The following TEP1 variants were observed in gnomAD, a reference collection of about 807,000 sequenced individuals.
TEP1 encodes telomerase associated protein 1.
In TEP1, 241 loss-of-function variants were observed where a neutral mutation model predicts 306.3. The observed-to-expected ratio is 0.79, with a 90% CI of 0.71 to 0.88. The LOEUF (loss-of-function observed/expected upper bound fraction) is 0.88. Among genes scored for constraint, TEP1 ranks in the 40% least tolerant of loss-of-function variants. TEP1 has a pLI of 0.00. For synonymous variants in TEP1, 1,289 were observed against 1,305.5 expected (o/e 0.99, Z 0.27); for missense variants, 3,051 against 3,276.1 (o/e 0.93, Z 1.68).
Position 20,367,876 on chromosome 14 carries a change from T to C in TEP1, c.*561A>G. 1 of 153,234 alleles carries C rather than the reference T, an allele frequency of 6.5e-6. No homozygotes were observed. The highest frequency in any genetic ancestry group is 1.5e-5 in the Non-Finnish European group (1 of 68,782). 9.5% of individuals were successfully genotyped at this position (153,234 alleles called of 1,614,324 possible). Reference sequence around the variant, plus strand: ...TGCCCACCTCGGCCTCCCAAAGTGCTGGGATTACAAGCGTGAGCCACCATG... The same window carrying C: ...TGCCCACCTCGGCCTCCCAAAGTGCCGGGATTACAAGCGTGAGCCACCATG... On this transcript the variant is annotated 3_prime_UTR_variant, in exon 55 of 55. Coordinates refer to ENST00000262715, the MANE Select transcript of TEP1 (RefSeq NM_007110.5).
At chr14:20,384,834 G>T in intron 21 of TEP1, 121 bp from the exon 22 acceptor site, 4 of 1,483,428 alleles carry the variant, frequency 2.7e-6, no homozygotes, top group Non-Finnish European at 3.7e-6. Context: ...CCTGACTCCA[G>T]CACCAAGGCT....
chr14:20,376,794 C>CTA (rs1219257076), intron 41 of TEP1, among the ~76,000 whole-genome samples: 6 of 152,192 alleles, frequency 3.9e-5, no homozygotes, highest in African/African-American at 9.6e-5. Context: ...TGGAAACAGT[C>CTA]TAAACAGATT....
At chr14:20,391,569 C>A (rs758754104) in intron 13 of TEP1, 30 bp downstream of exon 13, 7 of 1,598,798 alleles carry the variant, frequency 4.4e-6, no homozygotes, top group Admixed American at 3.4e-5. Flanking sequence ...ACCAACCCAA[C>A]CCCTTGGAGG....
At chr14:20,406,550 ATGTGTCCTGTCT>A in intron 2 of TEP1, 150 bp from the exon 3 acceptor site, 1 of 797,430 alleles carries the variant, frequency 1.3e-6, no homozygotes, top group Non-Finnish European at 2.0e-6. Context: ...ACCAGCACTG[ATGTGTCCTGTCT>A]GACTTACTGC....
At chr14:20,389,483 A>T (rs1877514085) in intron 16 of TEP1, 127 bp downstream of exon 16, 6 of 1,498,306 alleles carry the variant, frequency 4.0e-6, no homozygotes, top group Non-Finnish European at 5.5e-6. Flanking sequence ...CTGAAGTGCA[A>T]CAGAGGTAAG....
rs1454996521 is a variant in TEP1 at position 20,381,850 on chromosome 14, GC to G, written c.4424+62del. ...GCCAGTTGTTGAAGCTATACAGAGG[GC>G]CCCGGCTCAAAGAAGGGAAGGCACA... On this transcript the variant is annotated intron_variant, in intron 30 of 54. Transcript: ENST00000262715. The surrounding 1 kb of genome is among the most constrained non-coding windows in gnomAD (Gnocchi z 4.0). 6.9e-6 allele frequency: 11 copies of G among 1,591,462 alleles called. No homozygotes were observed. The East Asian group carries it at 2.2e-4, about 32-fold the overall frequency.
At chr14:20,397,233 T>A (rs1388393610) in intron 9 of TEP1, among the ~76,000 whole-genome samples, 2 of 152,230 alleles carry the variant, frequency 1.3e-5, no homozygotes, top group African/African-American at 2.4e-5. Context: ...TTTCGTAGTG[T>A]AAGTTGATTT....
chr14:20,395,500 A>G lies in TEP1; in HGVS notation c.1878T>C (p.Pro626=). ...RQQLRMAMRI[P]VLYEQLKREK... ...CCCTCTTGAGCTGCTCATACAACAC[A>G]GGTATCCTCATTGCCATCCGAAGCT... The change falls in exon 12 of 55, where the codon CCT becomes CCC. Residue 626 remains proline, a synonymous_variant. Coordinates refer to ENST00000262715, the MANE Select transcript of TEP1 (RefSeq NM_007110.5). The G allele has an allele frequency of 6.2e-7, 1 of 1,613,256 alleles. No homozygotes were observed. The highest frequency in any genetic ancestry group is 1.1e-5 in the South Asian group (1 of 91,054).
chr14:20,394,221 T>G (rs1877985038), intron 12 of TEP1, among the ~76,000 whole-genome samples: 1 of 152,166 alleles, frequency 6.6e-6, no homozygotes, highest in Non-Finnish European at 1.5e-5. Context: ...GGACTACAAG[T>G]GCAAGCACCT....
chr14:20,382,519 G>T, intron 28 of TEP1, 104 bp downstream of exon 28: 2 of 1,531,368 alleles, frequency 1.3e-6, no homozygotes, highest in Non-Finnish European at 1.8e-6. Context: ...GATAGGGAGT[G>T]GGTGATCACA....
At chr14:20,383,702 C>G (rs757100629) in intron 25 of TEP1, 41 bp downstream of exon 25, 9 of 1,607,590 alleles carry the variant, frequency 5.6e-6, no homozygotes, top group Admixed American at 3.4e-5. Context: ...AGGGGTGGTA[C>G]GTGGGCATCA....
At chr14:20,373,627 G>C (rs748452682) in intron 45 of TEP1, 44 bp from the exon 46 acceptor site, 1 of 1,614,204 alleles carries the variant, frequency 6.2e-7, no homozygotes, top group South Asian at 1.1e-5. Context: ...GACGGAGCAG[G>C]GGAGAAAAGA....
rs772450686 is a variant in TEP1 at position 20,373,496 on chromosome 14, C to A, written c.6681+11G>T. 4 of 1,614,194 alleles carry A rather than the reference C, an allele frequency of 2.5e-6. No homozygotes were observed. The South Asian group carries it at 4.4e-5, about 18-fold the overall frequency. On this transcript the variant is annotated intron_variant, in intron 46 of 54. Coordinates refer to ENST00000262715, the MANE Select transcript of TEP1 (RefSeq NM_007110.5). The stretch of plus-strand genomic sequence containing the variant: ...CCACCTCCCTTGACTCTGGTCCTTG[C>A]AGGAACTCACCAAGAGTGGATGCCA...
Position 20,381,926 on chromosome 14 carries a change from G to C in TEP1, c.4411C>G (p.Gln1471Glu), listed in dbSNP as rs1876583883. Reference sequence around the variant, plus strand: ...GGGCACCTGTACCTGCGCAGACTCTGGACGAGGCAGGCAAACGGGCCCATG... The same window carrying C: ...GGGCACCTGTACCTGCGCAGACTCTCGACGAGGCAGGCAAACGGGCCCATG... The part of the protein sequence containing the change: ...YPMGPFACLV[Q>E]SLRSLLGEGP... The change falls in exon 30 of 55, where the codon CAG (glutamine) becomes GAG (glutamate). Residue 1471 changes from glutamine to glutamate, a missense_variant. Transcript: ENST00000262715. This position sits in a 1 kb window ranked among gnomAD's most constrained non-coding sequence, Gnocchi z 4.0. 2 of 1,613,944 alleles carry C rather than the reference G, an allele frequency of 1.2e-6. No individual in the cohort carries two copies. The highest frequency in any genetic ancestry group is 1.7e-6 in the Non-Finnish European group (2 of 1,180,002).
At position 20,384,396 on chromosome 14, in the gene TEP1, G is replaced by A. The variant is rs377614240; in HGVS notation, c.3334C>T (p.Leu1112=). 2.5e-6 allele frequency: 4 copies of A among 1,614,150 alleles called. No homozygotes were observed. Among genetic ancestry groups the A allele is most frequent in the East Asian group, 2.2e-5 (1 of 44,874 alleles). ...TCACCAGTGCTTCTGCTGACCTGCAGGTAGAGCTTCTGGATCATATTCCAT... is the reference window on the plus strand; with the variant it reads ...TCACCAGTGCTTCTGCTGACCTGCAAGTAGAGCTTCTGGATCATATTCCAT... ...DVWNMIQKLY[L]QPGALLEQPV... The change falls in exon 23 of 55, where the codon CTG becomes TTG. Residue 1112 remains leucine, a synonymous_variant. Transcript: ENST00000262715.
At chr14:20,379,439 A>G (rs765014962) in intron 35 of TEP1, among the ~76,000 whole-genome samples, 8 of 152,334 alleles carry the variant, frequency 5.3e-5, no homozygotes, top group Admixed American at 2.0e-4. Context: ...AGCCTAATGT[A>G]CTATTAGCCT....
Position 20,381,457 on chromosome 14 carries a change from G to A in TEP1, c.4559-56C>T. On this transcript the variant is annotated intron_variant, in intron 31 of 54. Coordinates refer to ENST00000262715, the MANE Select transcript of TEP1 (RefSeq NM_007110.5). This position sits in a 1 kb window ranked among gnomAD's most constrained non-coding sequence, Gnocchi z 4.0. ...CCCTGCATCATTCCCAAGGGCAGTA[G>A]GTGAGCTGGCCAGCAGATGGGAGCA... 1 of 1,612,736 alleles carries A rather than the reference G, an allele frequency of 6.2e-7. No homozygotes were observed. The highest frequency in any genetic ancestry group is 8.5e-7 in the Non-Finnish European group (1 of 1,179,660).
rs770172232 is a variant in TEP1, at chr14:20,403,742, C to T, written c.1175G>A (p.Arg392His). Residue 392 changes from arginine to histidine, a missense_variant, in exon 6 of 55, where the codon CGC (arginine) becomes CAC (histidine). Physicochemically the swap from Arg to His is conservative, Grantham distance 29. Transcript: ENST00000262715. Reference protein sequence around the residue: ...PRKHRAKRHPRRPPRSPGMEP... With the variant: ...PRKHRAKRHPHRPPRSPGMEP... Reference sequence around the variant, plus strand: ...ACTGACTGGAGAGCGGGGTGGCCGGCGGGGGTGTCTCTTGGCCCGGTGCTT... The same window carrying T: ...ACTGACTGGAGAGCGGGGTGGCCGGTGGGGGTGTCTCTTGGCCCGGTGCTT... 1.6e-5 allele frequency: 26 copies of T among 1,613,716 alleles called. No homozygotes were observed. The highest frequency in any genetic ancestry group is 6.7e-5 in the East Asian group (3 of 44,890).
intron 27 of TEP1, among the ~76,000 whole-genome samples, 172 bp from the exon 28 acceptor site, chr14:20,382,887 C>T (rs1876716186): frequency 2.6e-5 from 4 of 152,174 alleles, no homozygotes; most frequent in Admixed American, 2.0e-4. Flanking sequence ...GCTGCTCTGC[C>T]CAGCCAGCCC....
Sources: gnomAD v4.1 joint callset for allele counts (sites outside exome capture counted in the v4.1 genomes callset) on GRCh38, gnomAD v4.1.1 for gene constraint, Gnocchi (gnomAD v3.1) non-coding constraint, MANE v1.5 for transcripts, NCBI Gene and HGNC (gene_info 2026-07-23, HGNC 2026-07-21) for gene names.